The following CNTNAP2 variants were observed in gnomAD, a reference collection of about 807,000 sequenced individuals.
CNTNAP2 encodes the protein contactin-associated protein-like 2.
A neutral mutation model predicts 155.2 loss-of-function variants in CNTNAP2; 98 were observed. The observed-to-expected ratio is 0.63, with a 90% confidence interval of 0.54 to 0.75. The LOEUF is 0.75. CNTNAP2 is among the 30% of genes least tolerant of loss of function. CNTNAP2 has a pLI of 0.00. For missense variants in CNTNAP2, 1,727 were observed against 1,688.1 expected, an observed-to-expected ratio of 1.02 and a Z score of -0.40; for synonymous variants, 651 against 631.2, an observed-to-expected ratio of 1.03 and a Z score of -0.47.
chr7:148,125,197 T>C (rs1804688915), intron 16 of CNTNAP2, among the ~76,000 whole-genome samples: 1 of 152,090 alleles, frequency 6.6e-6, no homozygotes, highest in East Asian at 1.9e-4. Flanking sequence ...CACCATCTAG[T>C]GGGAAAGACT....
intron 15 of CNTNAP2, among the ~76,000 whole-genome samples, chr7:148,108,872 G>A (rs182220674): frequency 1.8e-3 from 268 of 152,270 alleles, no homozygotes; most frequent in Non-Finnish European, 3.1e-3. Flanking sequence ...TTGAGGTGAT[G>A]GATATGTTAA....
rs1440036017 is a variant in CNTNAP2 at position 147,459,274 on chromosome 7, T to G, written c.1671-26661T>G. Among the ~76,000 whole-genome samples the G allele has an allele frequency of 3.9e-5, 6 of 152,218 alleles. No individual in the cohort carries two copies. The East Asian group carries it at 1.2e-3, about 29-fold the overall frequency. On this transcript the variant is annotated intron_variant, in intron 10 of 23. Coordinates refer to ENST00000361727, the MANE Select transcript of CNTNAP2 (RefSeq NM_014141.6). ...GTAGGTCATTCCATTTCTGCATTTC[T>G]TTTATCCTCTCTCCACATTCTGCTT...
intron 1 of CNTNAP2, among the ~76,000 whole-genome samples, chr7:146,626,664 A>C (rs1321263835): frequency 2.0e-5 from 3 of 152,172 alleles, no homozygotes; most frequent in Admixed American, 1.3e-4. Flanking sequence ...ACTCATCATG[A>C]ATTAAAGACT....
intron 1 of CNTNAP2, among the ~76,000 whole-genome samples, chr7:146,240,633 G>A (rs1799545732): frequency 6.6e-6 from 1 of 151,874 alleles, no homozygotes; most frequent in African/African-American, 2.4e-5. Context: ...GACCTTAGGA[G>A]GTAGACATTT....
chr7:147,098,075 T>C (rs1174860994), intron 4 of CNTNAP2, among the ~76,000 whole-genome samples: 10 of 152,198 alleles, frequency 6.6e-5, no homozygotes, highest in Admixed American at 6.5e-4. Context: ...TGGCTTTGCG[T>C]AACTGTTGCC....
At chr7:146,629,214 C>A (rs1799469623) in intron 1 of CNTNAP2, among the ~76,000 whole-genome samples, 1 of 152,120 alleles carries the variant, frequency 6.6e-6, no homozygotes, top group Non-Finnish European at 1.5e-5. Context: ...ACAAGTCTGT[C>A]CCCTGGCAGT....
intron 1 of CNTNAP2, among the ~76,000 whole-genome samples, chr7:146,692,987 C>T (rs956741435): frequency 7.9e-5 from 12 of 152,004 alleles, no homozygotes; most frequent in Admixed American, 2.0e-4. Flanking sequence ...CTATAGTATA[C>T]GGTAAAAGGG....
chr7:148,332,416 A>G (rs1305368483), intron 21 of CNTNAP2, among the ~76,000 whole-genome samples: 1 of 152,218 alleles, frequency 6.6e-6, no homozygotes, highest in Non-Finnish European at 1.5e-5. Flanking sequence ...GTGAATGAGC[A>G]GTTCAGAGAG....
intron 1 of CNTNAP2, among the ~76,000 whole-genome samples, chr7:146,380,867 G>A (rs947244330): frequency 9.4e-5 from 12 of 127,096 alleles, no homozygotes; most frequent in African/African-American, 3.3e-4. Context: ...GCGCAATCTC[G>A]GCTCACTGCA....
chr7:148,215,837 C>T (rs1390236121), intron 18 of CNTNAP2, among the ~76,000 whole-genome samples: 2 of 152,176 alleles, frequency 1.3e-5, no homozygotes, highest in African/African-American at 2.4e-5. Flanking sequence ...CCCCAGGCGT[C>T]GGACTTCGCT....
At chr7:148,294,482 A>G in intron 21 of CNTNAP2, among the ~76,000 whole-genome samples, 1 of 152,222 alleles carries the variant, frequency 6.6e-6, no homozygotes, top group Non-Finnish European at 1.5e-5. Flanking sequence ...AAAATTGGAG[A>G]ATTCTGTGCA....
At chr7:146,525,084 G>A in intron 1 of CNTNAP2, among the ~76,000 whole-genome samples, 1 of 151,918 alleles carries the variant, frequency 6.6e-6, no homozygotes, top group East Asian at 1.9e-4. Context: ...GTGGATCACA[G>A]CTATTGTTTT....
intron 2 of CNTNAP2, among the ~76,000 whole-genome samples, chr7:146,837,665 AAATGTTTATGACTTTCCTT>A: frequency 6.6e-6 from 1 of 152,124 alleles, no homozygotes; most frequent in East Asian, 1.9e-4. Flanking sequence ...TTCAGTTTCT[AAATGTTTATGACTTTCCTT>A]AATGGAGTGT....
chr7:146,800,551 T>C (rs1322909422), intron 2 of CNTNAP2, among the ~76,000 whole-genome samples: 1 of 152,162 alleles, frequency 6.6e-6, no homozygotes, highest in Non-Finnish European at 1.5e-5. Flanking sequence ...TTCCCCAAAA[T>C]ATGCAGGTTG....
rs567130922 is a variant in CNTNAP2 at position 148,359,085 on chromosome 7, A to G, written c.3476-24564A>G. On this transcript the variant is annotated intron_variant, in intron 21 of 23. Transcript: ENST00000361727. ...ACCTTTTCTGTTTAACTACCTGTAG[A>G]TACACAAATACTACCATTGCGTTAC... 2.6e-5 allele frequency among the ~76,000 whole-genome samples: 4 copies of G among 152,362 alleles called. No individual in the cohort carries two copies. In the East Asian group the frequency reaches 7.7e-4, roughly 29 times the overall value.
At chr7:146,268,271 T>C (rs958734435) in intron 1 of CNTNAP2, among the ~76,000 whole-genome samples, 1 of 152,128 alleles carries the variant, frequency 6.6e-6, no homozygotes, top group Admixed American at 6.5e-5. Context: ...TTACCTTTGC[T>C]CTTTCTACTA....
chr7:147,089,836 G>GT (rs1800361141), intron 4 of CNTNAP2, among the ~76,000 whole-genome samples: 2 of 152,248 alleles, frequency 1.3e-5, no homozygotes, highest in South Asian at 4.1e-4. Context: ...ACTTGAAGGT[G>GT]TTCATATAAG....
In CNTNAP2 at chr7:147,911,931, T is replaced by C. The variant is rs188856634; in HGVS notation, c.2255+8210T>C. ...CGAGCACGGTGGTACAATTTCTTTT[T>C]AACGTCTACTTTTACTCACCTCTGT... On this transcript the variant is annotated intron_variant, in intron 14 of 23. Transcript: ENST00000361727. 4.4e-4 allele frequency among the ~76,000 whole-genome samples: 67 copies of C among 152,342 alleles called. 1 individual carries two copies. In the East Asian group the frequency reaches 9.3e-3, roughly 21 times the overall value.
chr7:148,257,089 G>C (rs550978723), intron 20 of CNTNAP2, among the ~76,000 whole-genome samples: 2 of 152,122 alleles, frequency 1.3e-5, no homozygotes, highest in South Asian at 2.1e-4. Flanking sequence ...GGAGTGCACA[G>C]TGCCTCCCCA....
Sources: gnomAD v4.1 joint callset for allele counts (sites outside exome capture counted in the v4.1 genomes callset) on GRCh38, gnomAD v4.1.1 for gene constraint, MANE v1.5 for transcripts, NCBI Gene and HGNC (gene_info 2026-07-23, HGNC 2026-07-21) for gene names.